Variants in SLC24A2 observed in about 807,000 individuals in gnomAD.
SLC24A2 encodes the protein sodium/potassium/calcium exchanger 2.
SLC24A2 carries 36 observed loss-of-function variants against 62.0 expected under a neutral mutation model. The observed-to-expected ratio is 0.58, with a 90% confidence interval of 0.44 to 0.77. SLC24A2 has a LOEUF of 0.77. Ranked by LOEUF, SLC24A2 falls within the 30% of genes least tolerant of loss-of-function variation. The pLI is 0.00. For synonymous variants in SLC24A2, 358 were observed against 294.0 expected (o/e 1.22, Z -2.23); for missense variants, 846 against 817.9 (o/e 1.03, Z -0.42).
upstream of SLC24A2, among the ~76,000 whole-genome samples, chr9:19,792,779 C>T (rs1470496018): frequency 6.6e-6 from 1 of 151,990 alleles, no homozygotes; most frequent in South Asian, 2.1e-4. Context: ...GTACAGTACT[C>T]ATACTTACTT....
chr9:19,840,067 C>T, the SLC24A2 span, among the ~76,000 whole-genome samples: 1 of 152,102 alleles, frequency 6.6e-6, no homozygotes, highest in African/African-American at 2.4e-5. Context: ...GACTGTGTAT[C>T]ATTTTCAGAA....
chr9:19,724,012 T>C (rs377675404), intron 2 of SLC24A2, among the ~76,000 whole-genome samples: 10 of 152,162 alleles, frequency 6.6e-5, no homozygotes, highest in African/African-American at 2.4e-4. Context: ...ACCTAACTCA[T>C]GATATAATCT....
the SLC24A2 span, among the ~76,000 whole-genome samples, chr9:19,991,061 CA>C: frequency 7.5e-6 from 1 of 133,428 alleles, no homozygotes; most frequent in Non-Finnish European, 1.6e-5. Flanking sequence ...TACATACATA[CA>C]TACATATATG....
At chr9:19,797,991 A>G in the SLC24A2 span, among the ~76,000 whole-genome samples, 4 of 152,136 alleles carry the variant, frequency 2.6e-5, no homozygotes, top group Non-Finnish European at 5.9e-5. Flanking sequence ...TTTCCAAATA[A>G]CATACATTTA....
rs142380401 is a variant in SLC24A2 at position 19,776,047 on chromosome 9, A to G, written c.930+9890T>C. ...TAAAAGTGCCTTATGCTTAGATTTTATCTTTATATGGATATGTAAATATGC... is the reference window on the plus strand; with the variant it reads ...TAAAAGTGCCTTATGCTTAGATTTTGTCTTTATATGGATATGTAAATATGC... On this transcript the variant is annotated intron_variant, in intron 2 of 10. Coordinates refer to ENST00000341998, the MANE Select transcript of SLC24A2 (RefSeq NM_020344.4). 1.2e-3 allele frequency among the ~76,000 whole-genome samples: 178 copies of G among 152,358 alleles called. 1 individual carries two copies. The highest frequency in any genetic ancestry group is 4.0e-3 in the African/African-American group (166 of 41,584).
chr9:19,597,726 T>A (rs1255244076), intron 4 of SLC24A2, among the ~76,000 whole-genome samples: 2 of 152,190 alleles, frequency 1.3e-5, no homozygotes, highest in Non-Finnish European at 2.9e-5. Flanking sequence ...ACAGCTTTTC[T>A]CCAACAGAAC....
the SLC24A2 span, among the ~76,000 whole-genome samples, chr9:19,820,426 T>G: frequency 2.7e-5 from 4 of 150,686 alleles, no homozygotes. Flanking sequence ...ACCCCATAAC[T>G]TATGGAAAAA....
the SLC24A2 span, among the ~76,000 whole-genome samples, chr9:20,131,169 C>A: frequency 1.3e-5 from 2 of 152,092 alleles, no homozygotes; most frequent in African/African-American, 4.8e-5. Context: ...GCCCTGTGCA[C>A]ACAAGGAGAG....
the SLC24A2 span, among the ~76,000 whole-genome samples, chr9:20,082,733 G>T: frequency 1.3e-5 from 2 of 152,230 alleles, no homozygotes; most frequent in African/African-American, 4.8e-5. Context: ...CATGGTGGGG[G>T]AGCAAGAGAG....
chr9:19,649,024 A>C lies in SLC24A2; in HGVS notation c.931-26725T>G, dbSNP rs1487993620. On this transcript the variant is annotated intron_variant, in intron 2 of 10. Coordinates refer to ENST00000341998, the MANE Select transcript of SLC24A2 (RefSeq NM_020344.4). ...ACCAAAAAAAAAAAAAAAAAACAAA[A>C]AACCCAGTAATTCTTTGGAAAACAT... Among the ~76,000 whole-genome samples the C allele has an allele frequency of 2.6e-5, 4 of 151,832 alleles. No individual in the cohort carries two copies. In the South Asian group the frequency reaches 8.3e-4, roughly 32 times the overall value.
chr9:20,125,859 G>T, the SLC24A2 span, among the ~76,000 whole-genome samples: 1 of 152,184 alleles, frequency 6.6e-6, no homozygotes, highest in Non-Finnish European at 1.5e-5. Context: ...GCAGGACAGT[G>T]CTGAGTTCAA....
chr9:20,154,590 T>G, the SLC24A2 span, among the ~76,000 whole-genome samples: 2 of 151,732 alleles, frequency 1.3e-5, no homozygotes, highest in South Asian at 2.1e-4. Flanking sequence ...CAGGTAACAT[T>G]ACGTAAGGTG....
the SLC24A2 span, among the ~76,000 whole-genome samples, chr9:19,861,639 A>T: frequency 6.6e-6 from 1 of 152,226 alleles, no homozygotes; most frequent in Non-Finnish European, 1.5e-5. Flanking sequence ...CCTTTCAGAC[A>T]GATAACTCAA....
At chr9:20,058,492 T>TACACACACACACACACACACACAC in the SLC24A2 span, among the ~76,000 whole-genome samples, 59 of 147,892 alleles carry the variant, frequency 4.0e-4, no homozygotes, top group African/African-American at 1.3e-3. Flanking sequence ...ATGCCCTTCA[T>TACACACACACACACACACACACAC]ACACACACAC....
intron 5 of SLC24A2, among the ~76,000 whole-genome samples, chr9:19,596,632 C>T (rs1309305763): frequency 6.6e-6 from 1 of 152,088 alleles, no homozygotes; most frequent in Non-Finnish European, 1.5e-5. Context: ...TATGCCTATC[C>T]TCATGGAGTG....
the SLC24A2 span, among the ~76,000 whole-genome samples, chr9:20,213,367 T>C: frequency 6.6e-6 from 1 of 151,834 alleles, no homozygotes; most frequent in African/African-American, 2.4e-5. Flanking sequence ...AATGTTTTCA[T>C]TATTAAGCAA....
the SLC24A2 span, among the ~76,000 whole-genome samples, chr9:19,847,783 T>C: frequency 0.066 from 10,052 of 152,210 alleles, 484 homozygotes; most frequent in African/African-American, 0.13. Flanking sequence ...TTGTTTACCA[T>C]CCTAATCCTT....
the SLC24A2 span, among the ~76,000 whole-genome samples, chr9:20,006,985 A>G: frequency 6.6e-6 from 1 of 152,156 alleles, no homozygotes; most frequent in African/African-American, 2.4e-5. Context: ...AGTAGAAATT[A>G]TTTTTACTAC....
At chr9:19,881,509 G>A in the SLC24A2 span, among the ~76,000 whole-genome samples, 3 of 152,146 alleles carry the variant, frequency 2.0e-5, no homozygotes, top group Non-Finnish European at 4.4e-5. Flanking sequence ...TAGTGTTACA[G>A]ACTTGTATCT....
Sources: gnomAD v4.1 joint callset for allele counts (sites outside exome capture counted in the v4.1 genomes callset) on GRCh38, gnomAD v4.1.1 for gene constraint, MANE v1.5 for transcripts, NCBI Gene and HGNC (gene_info 2026-07-23, HGNC 2026-07-21) for gene names.